Variants in ANKFN1 observed in about 807,000 individuals in gnomAD.
The protein encoded by ANKFN1 is ankyrin repeat and fibronectin type III domain containing 1, also known as ankyrin repeat and fibronectin type-III domain-containing protein 1.
ANKFN1 carries 74 observed loss-of-function variants against 108.7 expected under a neutral mutation model. That is an observed-to-expected ratio of 0.68 (90% CI 0.56 to 0.83). The LOEUF is 0.83. Among genes scored for constraint, ANKFN1 ranks in the 40% least tolerant of loss-of-function variants. The pLI is 0.00. For missense variants in ANKFN1, 1,505 were observed against 1,382.3 expected (o/e 1.09, Z -1.41); for synonymous variants, 547 against 516.2 (o/e 1.06, Z -0.81).
At chr17:56,294,667 G>T (rs969307165) in intron 3 of ANKFN1, among the ~76,000 whole-genome samples, 1 of 152,188 alleles carries the variant, frequency 6.6e-6, no homozygotes, top group East Asian at 1.9e-4. Flanking sequence ...TGGAACAAGG[G>T]TCTGACCTGC....
chr17:56,384,528 A>C (rs1299168028), intron 8 of ANKFN1, among the ~76,000 whole-genome samples: 1 of 152,206 alleles, frequency 6.6e-6, no homozygotes. Flanking sequence ...GAAAAGAGGA[A>C]ATCAAATTGT....
intron 8 of ANKFN1, among the ~76,000 whole-genome samples, chr17:56,397,575 G>A (rs1450364268): frequency 1.3e-5 from 2 of 152,138 alleles, no homozygotes; most frequent in Non-Finnish European, 2.9e-5. Flanking sequence ...TCTAAAAAAT[G>A]CCTCACATCA....
At chr17:56,172,246 A>C (rs1910754473) in intron 1 of ANKFN1, among the ~76,000 whole-genome samples, 1 of 152,134 alleles carries the variant, frequency 6.6e-6, no homozygotes, top group African/African-American at 2.4e-5. Flanking sequence ...GAAAGAATGC[A>C]TCCTTTGGAA....
chr17:56,398,957 G>A (rs917741276), intron 8 of ANKFN1, among the ~76,000 whole-genome samples: 4 of 152,156 alleles, frequency 2.6e-5, no homozygotes, highest in Non-Finnish European at 4.4e-5. Flanking sequence ...ATTAAGCAAT[G>A]CCATGCTGGT....
At chr17:56,220,945 C>T (rs1018226793) in intron 2 of ANKFN1, among the ~76,000 whole-genome samples, 1 of 149,006 alleles carries the variant, frequency 6.7e-6, no homozygotes, top group African/African-American at 2.4e-5. Flanking sequence ...GAAAGAAAGA[C>T]AGACCTGAGA....
intron 4 of ANKFN1, among the ~76,000 whole-genome samples, chr17:56,074,777 A>G (rs1161388181): frequency 6.6e-6 from 1 of 152,206 alleles, no homozygotes; most frequent in Admixed American, 6.5e-5. Context: ...AGACAGAATC[A>G]TCCTTAATAA....
intron 1 of ANKFN1, chr17:56,195,270 A>G (rs1240445958): frequency 6.6e-6 from 1 of 152,238 alleles, no homozygotes; most frequent in African/African-American, 2.4e-5. Flanking sequence ...TTGAATGTTA[A>G]AAACTAACTT....
intron 4 of ANKFN1, among the ~76,000 whole-genome samples, chr17:56,093,719 G>A (rs1241784507): frequency 6.6e-6 from 1 of 151,248 alleles, no homozygotes. Context: ...CGTATTTATT[G>A]TAGTATTTGT....
At chr17:56,429,745 G>A (rs2048692784) in intron 8 of ANKFN1, among the ~76,000 whole-genome samples, 1 of 152,210 alleles carries the variant, frequency 6.6e-6, no homozygotes, top group South Asian at 2.1e-4. Context: ...CATTGGATTG[G>A]TGGGGGTATG....
rs58250668 is a variant in ANKFN1 at position 56,203,590 on chromosome 17, G to A, written c.-70-9008G>A. 0.013 allele frequency among the ~76,000 whole-genome samples: 1,924 copies of A among 152,212 alleles called. 85 individuals carry two copies. The East Asian group carries it at 0.16, about 13-fold the overall frequency. On this transcript the variant is annotated intron_variant, in intron 1 of 20. Coordinates refer to ENST00000682825, the MANE Select transcript of ANKFN1 (RefSeq NM_001370326.1). ...AGCCGGACTGGTTGCCATGCCAGAG[G>A]GCAAACAGTTTCCAGAGTCTTGCCT... is the stretch of plus-strand genomic sequence containing the variant.
At chr17:56,383,749 G>C (rs1005501819) in intron 8 of ANKFN1, among the ~76,000 whole-genome samples, 1 of 152,090 alleles carries the variant, frequency 6.6e-6, no homozygotes, top group African/African-American at 2.4e-5. Context: ...ATAAATTCCT[G>C]GACACATACA....
Position 56,362,705 on chromosome 17 carries a change from A to G in ANKFN1, c.601+8659A>G, listed in dbSNP as rs1184489499. ...ATTCGTCCAGGCAATGATCTTTTGC[A>G]TATAAGCCCAAAAACACAGATAGCA... On this transcript the variant is annotated intron_variant, in intron 6 of 20. Coordinates refer to ENST00000682825, the MANE Select transcript of ANKFN1 (RefSeq NM_001370326.1). Among the ~76,000 whole-genome samples the G allele has an allele frequency of 3.3e-5, 5 of 152,234 alleles. No homozygotes were observed. In the East Asian group the frequency reaches 9.6e-4, roughly 29 times the overall value.
chr17:56,510,856 G>A lies in ANKFN1; in HGVS notation c.3028G>A (p.Gly1010Ser), dbSNP rs1040816519. 6 of 1,536,076 alleles carry A rather than the reference G, an allele frequency of 3.9e-6. No homozygotes were observed. Among genetic ancestry groups the A allele is most frequent in the South Asian group, 3.6e-5 (3 of 84,062 alleles). The stretch of plus-strand genomic sequence containing the variant: ...GCCAGGCAAGCACCCCCACTATGGC[G>A]GCTTCAGCCGCCATCATCGCTGGTT... ...RKPGKHPHYGGFSRHHRWLRI... is the reference protein window; with the variant it reads ...RKPGKHPHYGSFSRHHRWLRI... The change falls in exon 21 of 21, where the codon GGC becomes AGC. Residue 1010 changes from glycine to serine, a missense_variant. Physicochemically the swap from Gly to Ser is moderately conservative, Grantham distance 56. Transcript: ENST00000682825.
At chr17:56,480,142 T>C (rs993889450) in intron 16 of ANKFN1, among the ~76,000 whole-genome samples, 1 of 152,214 alleles carries the variant, frequency 6.6e-6, no homozygotes, top group Admixed American at 6.5e-5. Context: ...TATATTGGAA[T>C]TGTCTGGTAT....
In ANKFN1 at chr17:56,348,722, C is replaced by T. The variant is rs555000787; in HGVS notation, c.189-2044C>T. On this transcript the variant is annotated intron_variant, in intron 4 of 20. Transcript: ENST00000682825. Reference sequence around the variant, plus strand: ...CTCACACCAGTCAGAATGCCTATTACTAAAAAGTCAAAAAACAACAGATTC... The same window carrying T: ...CTCACACCAGTCAGAATGCCTATTATTAAAAAGTCAAAAAACAACAGATTC... Among the ~76,000 whole-genome samples, 622 of 152,108 alleles carry T rather than the reference C, an allele frequency of 4.1e-3. 3 individuals are homozygous for T. Among genetic ancestry groups the T allele is most frequent in the Middle Eastern group, 0.017 (5 of 294 alleles).
chr17:56,427,266 T>C (rs2048598647), intron 8 of ANKFN1, among the ~76,000 whole-genome samples: 1 of 152,092 alleles, frequency 6.6e-6, no homozygotes, highest in South Asian at 2.1e-4. Context: ...CTAAAAGATA[T>C]GAACCTTATC....
Position 56,372,729 on chromosome 17 carries a change from G to T in ANKFN1, c.685G>T (p.Val229Leu). 1 of 1,614,054 alleles carries T rather than the reference G, an allele frequency of 6.2e-7. No homozygotes were observed. The highest frequency in any genetic ancestry group is 8.5e-7 in the Non-Finnish European group (1 of 1,179,986). Residue 229 changes from valine to leucine, a missense_variant, in exon 7 of 21, where the codon GTG (valine) becomes TTG (leucine). By Grantham distance (32) the Val-to-Leu change is conservative. Coordinates refer to ENST00000682825, the MANE Select transcript of ANKFN1 (RefSeq NM_001370326.1). ...GAGGGTGAGTGAACTGTCTGCCCAG[G>T]TGGAGAATGAAGGATTCACTCTGGA... is the stretch of plus-strand genomic sequence containing the variant. ...QERVSELSAQ[V>L]ENEGFTLDNT...
At chr17:56,106,646 G>A (rs1285520243) in intron 4 of ANKFN1, among the ~76,000 whole-genome samples, 1 of 152,132 alleles carries the variant, frequency 6.6e-6, no homozygotes, top group Admixed American at 6.5e-5. Flanking sequence ...TGACATGTTG[G>A]CAAGTATTTA....
upstream of ANKFN1, among the ~76,000 whole-genome samples, chr17:56,152,619 G>A (rs192546038): frequency 6.6e-6 from 1 of 152,114 alleles, no homozygotes; most frequent in Admixed American, 6.6e-5. Context: ...CATCCTTGCT[G>A]GACAGGCAAG....
Sources: allele counts gnomAD v4.1 joint callset (sites outside exome capture counted in the v4.1 genomes callset), GRCh38; gene constraint gnomAD v4.1.1; transcripts MANE v1.5; gene names NCBI Gene and HGNC (gene_info 2026-07-23, HGNC 2026-07-21).